The following GCNA variants were observed in gnomAD, a reference collection of about 807,000 sequenced individuals.
GCNA encodes germ cell nuclear acidic peptidase, also known as germ cell nuclear acidic protein.
GCNA carries 3 observed loss-of-function variants against 38.8 expected under a neutral mutation model. That is an observed-to-expected ratio of 0.08 (90% CI 0.04 to 0.20). GCNA has a LOEUF of 0.20. GCNA is among the 10% of genes least tolerant of loss of function. GCNA has a pLI of 1.00. For missense variants in GCNA, 446 were observed against 578.6 expected (o/e 0.77, Z 2.35); for synonymous variants, 195 against 240.2 (o/e 0.81, Z 1.74).
intron 6 of GCNA, among the ~76,000 whole-genome samples, chrX:71,596,282 G>T (rs1277240882): frequency 8.9e-6 from 1 of 111,959 alleles, no homozygotes; most frequent in Non-Finnish European, 1.9e-5. Flanking sequence ...AATGTATAAA[G>T]CTATTAATCG....
At chrX:71,612,825 T>C (rs1207890417) in intron 12 of GCNA, 37 bp from the exon 13 acceptor site, 1 of 1,202,722 alleles carries the variant, frequency 8.3e-7, no homozygotes, top group Non-Finnish European at 1.1e-6. Flanking sequence ...GTGCAGTGAC[T>C]GATTCTTTTG....
intron 7 of GCNA, 40 bp from the exon 8 acceptor site, chrX:71,603,548 G>A (rs1023118749): frequency 3.4e-6 from 4 of 1,180,097 alleles, no homozygotes; most frequent in Non-Finnish European, 4.5e-6. Flanking sequence ...AGGTGGTAGA[G>A]GGAGTATATT....
intron 9 of GCNA, among the ~76,000 whole-genome samples, chrX:71,608,132 C>T (rs2040781688): frequency 9.0e-6 from 1 of 111,216 alleles, no homozygotes; most frequent in African/African-American, 3.3e-5. Flanking sequence ...CTGGAGTGTT[C>T]TCATATCTAG....
chrX:71,612,681 C>T (rs1472850705), intron 12 of GCNA, 122 bp downstream of exon 12: 17 of 887,932 alleles, frequency 1.9e-5, no homozygotes, highest in South Asian at 1.0e-4. Context: ...CTCCTTTCCA[C>T]GTTCTCTTTC....
intron 12 of GCNA, 141 bp downstream of exon 12, chrX:71,612,700 CT>C (rs1190395044): frequency 4.3e-6 from 4 of 924,691 alleles, no homozygotes; most frequent in Non-Finnish European, 5.9e-6. Flanking sequence ...TCTCCTTTCT[CT>C]TCCGTAATTT....
chrX:71,590,973 G>A (rs949458133), intron 2 of GCNA, among the ~76,000 whole-genome samples: 4 of 111,758 alleles, frequency 3.6e-5, no homozygotes, highest in African/African-American at 9.8e-5. Context: ...GTGAGCCACC[G>A]TGCCCAGCTG....
Position 71,612,897 on chromosome X carries a change from G to A in GCNA, c.1991G>A (p.Arg664His), listed in dbSNP as rs772495699. Reference sequence around the variant, plus strand: ...TACACCAAATCGTTGGACACCAGCCGCTTCATCTGTGCCAAATGCAAGGGG... The same window carrying A: ...TACACCAAATCGTTGGACACCAGCCACTTCATCTGTGCCAAATGCAAGGGG... ...GCYTKSLDTSRFICAKCKGSL... is the reference protein window; with the variant it reads ...GCYTKSLDTSHFICAKCKGSL... The change falls in exon 13 of 13, where the codon CGC becomes CAC. Residue 664 changes from arginine to histidine, a missense_variant. Arg to His is a conservative substitution (Grantham distance 29). Coordinates refer to ENST00000373696, the MANE Select transcript of GCNA (RefSeq NM_052957.5). 28 of 1,209,610 alleles carry A rather than the reference G, an allele frequency of 2.3e-5. No individual in the cohort carries two copies. The highest frequency in any genetic ancestry group is 5.9e-5 in the East Asian group (2 of 33,782).
intron 9 of GCNA, among the ~76,000 whole-genome samples, chrX:71,607,891 G>A (rs2040779708): frequency 8.9e-6 from 1 of 112,886 alleles, no homozygotes; most frequent in East Asian, 2.8e-4. Flanking sequence ...GCACAAATGC[G>A]GGAAATTGCA....
chrX:71,611,282 T>A (rs2040808304), intron 11 of GCNA, among the ~76,000 whole-genome samples: 1 of 112,212 alleles, frequency 8.9e-6, no homozygotes, highest in Non-Finnish European at 1.9e-5. Flanking sequence ...GAGGCCATTG[T>A]AATCTGCTCC....
intron 2 of GCNA, among the ~76,000 whole-genome samples, chrX:71,588,948 T>G (rs2040604120): frequency 9.3e-6 from 1 of 106,992 alleles, no homozygotes; most frequent in South Asian, 4.3e-4. Flanking sequence ...CCATCATAGC[T>G]CATTGCAGCC....
At position 71,603,954 on chromosome X, in the gene GCNA, A is replaced by G. The variant is rs754537097; in HGVS notation, c.677A>G (p.Asp226Gly). ...AAGAGTGATGATTCGGATGTTCCCG[A>G]CGACAGCAGTGATGATTCGGATGTT... Reference protein sequence around the residue: ...DDKSDDSDVPDDSSDDSDVPD... With the variant: ...DDKSDDSDVPGDSSDDSDVPD... Residue 226 changes from aspartate to glycine, a missense_variant, in exon 8 of 13, where the codon GAC becomes GGC. By Grantham distance (94) the Asp-to-Gly change is moderately conservative. Around this residue, in one of 7 missense-constraint regions of GCNA, gnomAD observed 28 missense variants for 77.0 expected, o/e 0.36. Coordinates refer to ENST00000373696, the MANE Select transcript of GCNA (RefSeq NM_052957.5). The G allele has an allele frequency of 1.7e-6, 2 of 1,208,662 alleles. No homozygotes were observed. Among genetic ancestry groups the G allele is most frequent in the African/African-American group, 3.5e-5 (2 of 56,683 alleles).
chrX:71,604,801 C>T, intron 8 of GCNA, 125 bp downstream of exon 8: 4 of 953,504 alleles, frequency 4.2e-6, no homozygotes, highest in Non-Finnish European at 5.7e-6. Flanking sequence ...TTCCCTGTGG[C>T]CCAAGGAGGC....
Position 71,605,658 on chromosome X carries a change from T to C in GCNA, c.1400-5T>C. 3 of 1,205,602 alleles carry C rather than the reference T, an allele frequency of 2.5e-6. No individual in the cohort carries two copies. The highest frequency in any genetic ancestry group is 3.6e-5 in the South Asian group (2 of 56,291). ...AGTAACCTATTATTTTTTCATCTGG[T>C]AAAGGACATAAGAAGCGTGGGCCTT... On this transcript the variant is annotated splice_polypyrimidine_tract_variant and splice_region_variant and intron_variant, in intron 8 of 12. Coordinates refer to ENST00000373696, the MANE Select transcript of GCNA (RefSeq NM_052957.5).
In GCNA at chrX:71,606,484, C is replaced by A. The variant is rs2040770077; in HGVS notation, c.1466+755C>A. Among the ~76,000 whole-genome samples the A allele has an allele frequency of 2.7e-5, 3 of 112,311 alleles. No homozygotes were observed. In the South Asian group the frequency reaches 1.1e-3, roughly 41 times the overall value. On this transcript the variant is annotated intron_variant, in intron 9 of 12. Coordinates refer to ENST00000373696, the MANE Select transcript of GCNA (RefSeq NM_052957.5). The stretch of plus-strand genomic sequence containing the variant: ...TCCCTTAAAAATTTGATATAGTAAG[C>A]ATAATTTTCTTTGTTTTTACTTTCA...
At chrX:71,605,513 G>C in intron 8 of GCNA, 150 bp from the exon 9 acceptor site, 1 of 445,878 alleles carries the variant, frequency 2.2e-6, no homozygotes, top group Non-Finnish European at 4.0e-6. Flanking sequence ...AATGATGAAG[G>C]CAGCAGTATG....
intron 1 of GCNA, chrX:71,580,415 T>A: frequency 8.7e-6 from 1 of 115,008 alleles, no homozygotes; most frequent in Non-Finnish European, 1.8e-5. Flanking sequence ...AATGTAAATG[T>A]AGAGATGTCT....
intron 7 of GCNA, among the ~76,000 whole-genome samples, chrX:71,600,132 C>A (rs1355064696): frequency 1.8e-5 from 2 of 111,752 alleles, no homozygotes; most frequent in Non-Finnish European, 3.8e-5. Context: ...GACACACCGA[C>A]CTTCATTTCA....
chrX:71,603,941 T>C lies in GCNA; in HGVS notation c.664T>C (p.Ser222Pro). 1.7e-6 allele frequency: 2 copies of C among 1,209,703 alleles called. No homozygotes were observed. Among genetic ancestry groups the C allele is most frequent in the Non-Finnish European group, 2.2e-6 (2 of 895,002 alleles). The change falls in exon 8 of 13, where the codon TCG (serine) becomes CCG (proline). Residue 222 changes from serine (S) to proline (P), a missense_variant. This residue lies in a region of GCNA where 118 missense variants were observed against 122.8 expected (regional missense o/e 0.96). Transcript: ENST00000373696. ...TGTTCCCGACGACAAGAGTGATGATTCGGATGTTCCCGACGACAGCAGTGA... is the reference window on the plus strand; with the variant it reads ...TGTTCCCGACGACAAGAGTGATGATCCGGATGTTCCCGACGACAGCAGTGA... ...SDVPDDKSDD[S>P]DVPDDSSDDS...
At chrX:71,609,539 T>C (rs1397813156) in intron 10 of GCNA, among the ~76,000 whole-genome samples, 1 of 112,305 alleles carries the variant, frequency 8.9e-6, no homozygotes, top group East Asian at 2.8e-4. Flanking sequence ...CCTCAGTTTC[T>C]TCATCTGTAA....
Sources: allele counts gnomAD v4.1 joint callset (sites outside exome capture counted in the v4.1 genomes callset), GRCh38; gene constraint gnomAD v4.1.1; regional missense constraint gnomAD v4.1.1; transcripts MANE v1.5; gene names NCBI Gene and HGNC (gene_info 2026-07-23, HGNC 2026-07-21).